FDXR: variants seen among roughly 807,000 people sequenced by gnomAD.
FDXR encodes the protein NADPH:adrenodoxin oxidoreductase, mitochondrial.
Under a neutral mutation model 58.3 loss-of-function variants are expected in FDXR, and 38 were observed. The ratio of observed to expected loss-of-function variants is 0.65; its 90% confidence interval spans 0.50 to 0.85. The LOEUF (loss-of-function observed/expected upper bound fraction) is 0.85, where lower values mean the gene tolerates loss of function less well. Ranked by LOEUF, FDXR falls within the 40% of genes least tolerant of loss-of-function variation. The probability of loss-of-function intolerance (pLI) is 0.00; values close to 1 mark genes in which losing one functional copy is unlikely to be tolerated. For synonymous variants in FDXR, 275 were observed against 273.8 expected (o/e 1.00, Z -0.04); for missense variants, 624 against 671.0 (o/e 0.93, Z 0.77).
At position 74,872,901 on chromosome 17, in the gene FDXR, G is replaced by T. The variant is rs1396911965; in HGVS notation, c.44C>A (p.Pro15His). The change falls in exon 1 of 12, where the codon CCT becomes CAT. Residue 15 changes from proline to histidine, a missense_variant. Pro to His is a moderately conservative substitution (Grantham distance 77, BLOSUM62 -2). Transcript: ENST00000293195. ...CCCGGCGGGAGGCAGCCGGGTCCGA[G>T]GCCACGCCGACCAGCCCCACCAGCG... ...CWRWWGWSAW[P>H]RTRLPPAGST... The T allele has an allele frequency of 4.5e-6, 7 of 1,553,212 alleles. No homozygotes were observed. The highest frequency in any genetic ancestry group is 6.1e-6 in the Non-Finnish European group (7 of 1,149,206).
chr17:74,868,206 C>A, intron 2 of FDXR: 1 of 410,180 alleles, frequency 2.4e-6, no homozygotes, highest in Non-Finnish European at 4.5e-6. Context: ...CCACCTCCCT[C>A]AAGCCCCACG....
chr17:74,866,278 C>T (rs1705259184), intron 4 of FDXR, 34 bp from the exon 5 acceptor site: 2 of 1,597,822 alleles, frequency 1.3e-6, no homozygotes, highest in Non-Finnish European at 1.7e-6. Context: ...GACCCACAGC[C>T]TTCAGCACCA....
intron 2 of FDXR, among the ~76,000 whole-genome samples, chr17:74,870,516 CAAAAAAA>C: frequency 1.8e-5 from 1 of 55,008 alleles, no homozygotes; most frequent in East Asian, 6.7e-4. Flanking sequence ...GACTCCATCT[CAAAAAAA>C]AAAAAAAAAA....
Position 74,866,176 on chromosome 17 carries a change from G to A in FDXR, c.462C>T (p.Ala154=), listed in dbSNP as rs199988623. ...CGTTGTACCAGCCCACGAAGGCCCG[G>A]GCGGAGCACACACCTGGCAGCTCCT... The part of the protein sequence containing the change: ...PGEELPGVCS[A]RAFVGWYNGL... Residue 154 remains alanine (A), a synonymous_variant, in exon 5 of 12, where the codon GCC becomes GCT. Transcript: ENST00000293195. 1 of 1,613,898 alleles carries A rather than the reference G, an allele frequency of 6.2e-7. No individual in the cohort carries two copies. The highest frequency in any genetic ancestry group is 2.2e-5 in the East Asian group (1 of 44,894).
At chr17:74,869,757 G>C (rs2038310127) in intron 2 of FDXR, among the ~76,000 whole-genome samples, 1 of 152,310 alleles carries the variant, frequency 6.6e-6, no homozygotes, top group East Asian at 1.9e-4. Flanking sequence ...CTCGAGCACA[G>C]GGACCACGTC....
intron 11 of FDXR, 63 bp downstream of exon 11, chr17:74,863,013 G>C: frequency 1.9e-6 from 3 of 1,602,868 alleles, no homozygotes; most frequent in Non-Finnish European, 1.7e-6. Context: ...CCCTCCCAAA[G>C]AGTGAGGCCC....
chr17:74,872,236 C>A (rs930065953), intron 1 of FDXR, 103 bp from the exon 2 acceptor site: 1 of 1,545,448 alleles, frequency 6.5e-7, no homozygotes, highest in African/African-American at 1.4e-5. Flanking sequence ...CCAAGCTTCA[C>A]CCTCACCTGC....
At chr17:74,863,389 G>A (rs1030017325) in intron 10 of FDXR, 143 bp from the exon 11 acceptor site, 30 of 775,834 alleles carry the variant, frequency 3.9e-5, no homozygotes, top group Admixed American at 7.3e-5. Flanking sequence ...TGCTGTGGCC[G>A]CTGGTCCACT....
chr17:74,867,564 A>G (rs964825697), intron 2 of FDXR, among the ~76,000 whole-genome samples: 3 of 152,012 alleles, frequency 2.0e-5, no homozygotes, highest in Non-Finnish European at 4.4e-5. Flanking sequence ...AGTGCCCAGG[A>G]CCATGCTCTG....
At chr17:74,867,254 C>G (rs1196549962) in intron 2 of FDXR, among the ~76,000 whole-genome samples, 1 of 131,902 alleles carries the variant, frequency 7.6e-6, no homozygotes, top group African/African-American at 3.0e-5. Context: ...TTGCAGTGAG[C>G]GAAGATCGCG....
At chr17:74,868,323 T>C (rs973709937) in intron 2 of FDXR, 3 of 610,926 alleles carry the variant, frequency 4.9e-6, no homozygotes, top group African/African-American at 3.7e-5. Flanking sequence ...AAGTTTCTTC[T>C]CTGTCCAAAA....
At chr17:74,866,386 G>A (rs965793415) in intron 4 of FDXR, 60 bp downstream of exon 4, 21 of 1,598,394 alleles carry the variant, frequency 1.3e-5, no homozygotes, top group African/African-American at 8.1e-5. Context: ...CTTCCACCCC[G>A]AGCCACCGGC....
chr17:74,872,399 C>T lies in FDXR; in HGVS notation c.80-266G>A, dbSNP rs1014399241. ...GGCCTGCCCAACAACACTTCATTCC[C>T]TATCCAATCGGCTAGAATCCCACAT... On this transcript the variant is annotated intron_variant, in intron 1 of 11. Coordinates refer to ENST00000293195, the MANE Select transcript of FDXR (RefSeq NM_024417.5). The T allele has an allele frequency of 4.8e-5, 41 of 847,202 alleles. 1 individual carries two copies. Among genetic ancestry groups the T allele is most frequent in the African/African-American group, 4.8e-4 (28 of 58,376 alleles). The allele number at this position is 847,202 out of a possible 1,614,324, so 52.5% of individuals were successfully genotyped here.
chr17:74,868,855 C>G (rs1265630336), intron 2 of FDXR: 6 of 1,010,432 alleles, frequency 5.9e-6, no homozygotes, highest in Non-Finnish European at 8.4e-6. Context: ...TTTCTACTCT[C>G]TCTCTCCTGC....
chr17:74,869,702 CT>C (rs1372001923), intron 2 of FDXR, among the ~76,000 whole-genome samples: 1 of 152,166 alleles, frequency 6.6e-6, no homozygotes, highest in African/African-American at 2.4e-5. Flanking sequence ...CCTAAAATAC[CT>C]TGTAAATTAT....
At position 74,864,243 on chromosome 17, in the gene FDXR, A is replaced by C; in HGVS notation, c.907T>G (p.Trp303Gly). Reference sequence around the variant, plus strand: ...GGGCTTCGGAAAAAGCGGAGGCCCCAGGCACGGGAGGCCGATGCCTGGCGG... The same window carrying C: ...GGGCTTCGGAAAAAGCGGAGGCCCCCGGCACGGGAGGCCGATGCCTGGCGG... The part of the protein sequence containing the change: ...AARQASASRA[W>G]GLRFFRSPQQ... Residue 303 changes from tryptophan to glycine, a missense_variant, in exon 9 of 12, where the codon TGG (tryptophan) becomes GGG (glycine). Coordinates refer to ENST00000293195, the MANE Select transcript of FDXR (RefSeq NM_024417.5). 1 of 1,603,808 alleles carries C rather than the reference A, an allele frequency of 6.2e-7. No individual in the cohort carries two copies. Among genetic ancestry groups the C allele is most frequent in the East Asian group, 2.2e-5 (1 of 44,586 alleles).
At position 74,863,998 on chromosome 17, in the gene FDXR, T is replaced by C; in HGVS notation, c.1072A>G (p.Ser358Gly). 1.2e-6 allele frequency: 2 copies of C among 1,614,086 alleles called. No individual in the cohort carries two copies. Among genetic ancestry groups the C allele is most frequent in the Non-Finnish European group, 1.7e-6 (2 of 1,180,032 alleles). The change falls in exon 10 of 12, where the codon AGC (serine) becomes GGC (glycine). Residue 358 changes from serine (S) to glycine (G), a missense_variant. Transcript: ENST00000293195. ...GGGCGGCTCTTATACCCAATGCTGC[T>C]GAGCACCAGCCCACAAGGGAGGTCT... ...MEDLPCGLVL[S>G]SIGYKSRPVD...
chr17:74,863,950 C>T lies in FDXR; in HGVS notation c.1120G>A (p.Asp374Asn). ...SRPVDPSVPF[D>N]SKLGVIPNVE... is the part of the protein sequence containing the mutation. Reference sequence around the variant, plus strand: ...TTGGGGATGACCCCAAGCTTGGAGTCAAAGGGCACGCTTGGGTCGACAGGG... The same window carrying T: ...TTGGGGATGACCCCAAGCTTGGAGTTAAAGGGCACGCTTGGGTCGACAGGG... The change falls in exon 10 of 12, where the codon GAC (aspartate) becomes AAC (asparagine). Residue 374 changes from aspartate to asparagine, a missense_variant. Physicochemically the swap from Asp to Asn is conservative, Grantham distance 23. Coordinates refer to ENST00000293195, the MANE Select transcript of FDXR (RefSeq NM_024417.5). 6.2e-7 allele frequency: 1 copy of T among 1,614,052 alleles called. No individual in the cohort carries two copies. Among genetic ancestry groups the T allele is most frequent in the Non-Finnish European group, 8.5e-7 (1 of 1,180,004 alleles).
chr17:74,862,635 A>G lies in FDXR; in HGVS notation c.*182T>C. On this transcript the variant is annotated 3_prime_UTR_variant, in exon 12 of 12. Coordinates refer to ENST00000293195, the MANE Select transcript of FDXR (RefSeq NM_024417.5). ...AAGGTTACCTCAGTTGCTGAAAGCT[A>G]AAACCTTGCGCGCAAGGGCGACCTT... The G allele has an allele frequency of 1.3e-6, 1 of 795,646 alleles. No homozygotes were observed. The highest frequency in any genetic ancestry group is 1.9e-6 in the Non-Finnish European group (1 of 522,144). 49.3% of individuals were successfully genotyped at this position (795,646 alleles called of 1,614,324 possible).
Sources: gnomAD v4.1 joint callset for allele counts (sites outside exome capture counted in the v4.1 genomes callset) on GRCh38, gnomAD v4.1.1 for gene constraint, MANE v1.5 for transcripts, NCBI Gene and HGNC (gene_info 2026-07-23, HGNC 2026-07-21) for gene names.